The following CNTRL variants were observed in gnomAD, a reference collection of about 807,000 sequenced individuals.
CNTRL encodes the protein 110 kDa centrosomal protein.
A neutral mutation model predicts 303.7 loss-of-function variants in CNTRL; 233 were observed. The observed-to-expected ratio is 0.77, with a 90% confidence interval of 0.69 to 0.86. The LOEUF (loss-of-function observed/expected upper bound fraction) is 0.86, where lower values mean the gene tolerates loss of function less well. Among genes scored for constraint, CNTRL ranks in the 40% least tolerant of loss-of-function variants. CNTRL has a pLI of 0.00. For synonymous variants in CNTRL, 900 were observed against 922.2 expected (o/e 0.98, Z 0.44); for missense variants, 2,524 against 2,650.6 (o/e 0.95, Z 1.05).
intron 14 of CNTRL, among the ~76,000 whole-genome samples, chr9:121,133,504 A>C (rs1219106886): frequency 6.6e-6 from 1 of 152,256 alleles, no homozygotes; most frequent in Non-Finnish European, 1.5e-5. Flanking sequence ...TTGGAAAAGC[A>C]CAGTATTTGG....
chr9:121,108,442 A>G (rs2049586355), intron 8 of CNTRL, among the ~76,000 whole-genome samples: 1 of 152,154 alleles, frequency 6.6e-6, no homozygotes, highest in East Asian at 1.9e-4. Flanking sequence ...AAGACTTTCC[A>G]CTATCCCAAA....
rs769539815 is a variant in CNTRL at position 121,169,716 on chromosome 9, G to C, written c.6176G>C (p.Arg2059Pro). The change falls in exon 39 of 44, where the codon CGG (arginine) becomes CCG (proline). Residue 2059 changes from arginine (R) to proline (P), a missense_variant. By Grantham distance (103) the Arg-to-Pro change is moderately radical (BLOSUM62 -2). Transcript: ENST00000373855. ...ATGAGGGCAGACTTCAGCCTTCTGC[G>C]GAACCAGTTCTTGACAGAAAGAAAG... ...DSMRADFSLLRNQFLTERKKA... is the reference protein window; with the variant it reads ...DSMRADFSLLPNQFLTERKKA... 3 of 1,614,050 alleles carry C rather than the reference G, an allele frequency of 1.9e-6. No individual in the cohort carries two copies. The highest frequency in any genetic ancestry group is 2.5e-6 in the Non-Finnish European group (3 of 1,180,040).
intron 2 of CNTRL, among the ~76,000 whole-genome samples, chr9:121,082,487 A>G (rs925732536): frequency 5.9e-5 from 9 of 152,200 alleles, no homozygotes; most frequent in Non-Finnish European, 1.2e-4. Flanking sequence ...GTGTCCCTTA[A>G]TGACAGAATT....
intron 7 of CNTRL, among the ~76,000 whole-genome samples, chr9:121,104,150 A>G (rs985636122): frequency 3.3e-5 from 5 of 152,250 alleles, no homozygotes; most frequent in Admixed American, 6.5e-5. Flanking sequence ...GATAGACTGG[A>G]TTAAGAAAAT....
rs1344016044 is a variant in CNTRL at position 121,169,639 on chromosome 9, A to G, written c.6099A>G (p.Gln2033=). ...TKRQLSEREQ[Q]LVEKSGELLA... is the part of the protein sequence containing the mutation. ...GGCAGCTTTCAGAAAGGGAGCAGCA[A>G]TTGGTGGAGAAATCAGGTGAGCTGT... Residue 2033 remains glutamine, a synonymous_variant, in exon 39 of 44, where the codon CAA becomes CAG. Coordinates refer to ENST00000373855, the MANE Select transcript of CNTRL (RefSeq NM_007018.6). The G allele has an allele frequency of 3.1e-6, 5 of 1,614,074 alleles. No homozygotes were observed. The highest frequency in any genetic ancestry group is 1.3e-5 in the African/African-American group (1 of 74,924).
chr9:121,108,952 GTATA>G (rs2049614262), intron 8 of CNTRL, among the ~76,000 whole-genome samples: 1 of 152,006 alleles, frequency 6.6e-6, no homozygotes, highest in Admixed American at 6.6e-5. Context: ...ATTACATAAT[GTATA>G]TATAATTAAG....
At position 121,160,991 on chromosome 9, in the gene CNTRL, A is replaced by C. The variant is rs186610819; in HGVS notation, c.5089+689A>C. Among the ~76,000 whole-genome samples, 19 of 152,308 alleles carry C rather than the reference A, an allele frequency of 1.2e-4. No individual in the cohort carries two copies. The East Asian group carries it at 3.1e-3, about 25-fold the overall frequency. Reference sequence around the variant, plus strand: ...AAGACCCTGTTCCACCACACCCCCCAAAAAATTGGAAACAGATGACCAATT... The same window carrying C: ...AAGACCCTGTTCCACCACACCCCCCCAAAAATTGGAAACAGATGACCAATT... On this transcript the variant is annotated intron_variant, in intron 32 of 43. Transcript: ENST00000373855.
chr9:121,115,135 GAAC>G lies in CNTRL; in HGVS notation c.1396_1398del (p.Gln466del), dbSNP rs775798646. On this transcript the variant is annotated inframe_deletion, in exon 11 of 44. Coordinates refer to ENST00000373855, the MANE Select transcript of CNTRL (RefSeq NM_007018.6). ...ACTGCATGATGAAATAGAAAAGGCA[GAAC>G]AACAAATTTTGAGAGCTACTGAAGA... is the stretch of plus-strand genomic sequence containing the variant. 2 of 1,609,646 alleles carry G rather than the reference GAAC, an allele frequency of 1.2e-6. No individual in the cohort carries two copies. The highest frequency in any genetic ancestry group is 2.2e-5 in the South Asian group (2 of 90,314).
At chr9:121,138,824 C>T (rs2051342343) in intron 16 of CNTRL, 145 bp downstream of exon 16, 6 of 693,004 alleles carry the variant, frequency 8.7e-6, no homozygotes, top group Non-Finnish European at 1.4e-5. Context: ...TGGAGCAGCA[C>T]CATAGCTCCT....
chr9:121,146,870 T>C (rs1432942461), intron 23 of CNTRL, among the ~76,000 whole-genome samples: 1 of 152,200 alleles, frequency 6.6e-6, no homozygotes, highest in Non-Finnish European at 1.5e-5. Context: ...GTTGGGCTTT[T>C]AGGAGGGAGG....
At chr9:121,085,742 G>A (rs1303289971) in intron 2 of CNTRL, among the ~76,000 whole-genome samples, 1 of 152,092 alleles carries the variant, frequency 6.6e-6, no homozygotes, top group South Asian at 2.1e-4. Context: ...TCCCTTTAAC[G>A]AATTCCCTTT....
rs745981933 is a variant in CNTRL, at chr9:121,162,074, T to G, written c.5226T>G (p.Asn1742Lys). 6.2e-7 allele frequency: 1 copy of G among 1,614,136 alleles called. No homozygotes were observed. The highest frequency in any genetic ancestry group is 1.1e-5 in the South Asian group (1 of 91,086). The stretch of plus-strand genomic sequence containing the variant: ...TTTAGGAGAAACTGGAGTTAGAGAA[T>G]TTGCAGCAGATATCCCAGCAGCAGA... The part of the protein sequence containing the change: ...AVLEEKLELE[N>K]LQQISQQQKG... Residue 1742 changes from asparagine (N) to lysine (K), a missense_variant, in exon 34 of 44, where the codon AAT (asparagine) becomes AAG (lysine). Physicochemically the swap from Asn to Lys is moderately conservative, Grantham distance 94. Transcript: ENST00000373855.
At chr9:121,149,606 C>A (rs1407232124) in intron 24 of CNTRL, among the ~76,000 whole-genome samples, 2 of 151,804 alleles carry the variant, frequency 1.3e-5, no homozygotes, top group South Asian at 4.2e-4. Flanking sequence ...AGGGTTTCAC[C>A]ATATTAGACA....
intron 2 of CNTRL, among the ~76,000 whole-genome samples, chr9:121,082,969 C>CA (rs71370624): frequency 0.11 from 11,620 of 109,758 alleles, 773 homozygotes; most frequent in Non-Finnish European, 0.13. Flanking sequence ...GACTCCCTCT[C>CA]AAAAAAAAAA....
intron 43 of CNTRL, 85 bp downstream of exon 43, chr9:121,175,309 C>T (rs1487395709): frequency 8.0e-7 from 1 of 1,243,416 alleles, no homozygotes. Flanking sequence ...CCCTACCGCC[C>T]AGGCTGGAGT....
At chr9:121,129,250 G>A (rs980266008) in intron 14 of CNTRL, among the ~76,000 whole-genome samples, 3 of 152,040 alleles carry the variant, frequency 2.0e-5, no homozygotes, top group East Asian at 3.9e-4. Context: ...CATTTTCACG[G>A]TATTGATTCT....
At position 121,132,075 on chromosome 9, in the gene CNTRL, T is replaced by C. The variant is rs560821875; in HGVS notation, c.2026-3731T>C. On this transcript the variant is annotated intron_variant, in intron 14 of 43. Coordinates refer to ENST00000373855, the MANE Select transcript of CNTRL (RefSeq NM_007018.6). ...GGCTGCCCTTACATTTTTTCCTTCATGTCAACCTTAGGGAATCTGACAATT... is the reference window on the plus strand; with the variant it reads ...GGCTGCCCTTACATTTTTTCCTTCACGTCAACCTTAGGGAATCTGACAATT... 1.8e-4 allele frequency among the ~76,000 whole-genome samples: 28 copies of C among 152,374 alleles called. 1 individual carries two copies. The South Asian group carries it at 5.8e-3, about 32-fold the overall frequency.
rs773211965 is a variant in CNTRL, at chr9:121,145,313, C to A, written c.3238C>A (p.Leu1080Met). 1 of 1,613,908 alleles carries A rather than the reference C, an allele frequency of 6.2e-7. No individual in the cohort carries two copies. Among genetic ancestry groups the A allele is most frequent in the South Asian group, 1.1e-5 (1 of 91,086 alleles). ...ANSQVLEIEKLNETMERQRTE... is the reference protein window; with the variant it reads ...ANSQVLEIEKMNETMERQRTE... ...CTCACAGGTCCTAGAAATTGAGAAA[C>A]TGAATGAGACAATGGAACGACAAAG... Residue 1080 changes from leucine to methionine, a missense_variant, in exon 22 of 44, where the codon CTG becomes ATG. Transcript: ENST00000373855.
chr9:121,099,564 A>G (rs574932545), intron 7 of CNTRL, among the ~76,000 whole-genome samples: 3 of 152,352 alleles, frequency 2.0e-5, no homozygotes, highest in Admixed American at 2.0e-4. Flanking sequence ...GACTTTAACG[A>G]GTTGAAAGAA....
Sources: gnomAD v4.1 joint callset for allele counts (sites outside exome capture counted in the v4.1 genomes callset) on GRCh38, gnomAD v4.1.1 for gene constraint, MANE v1.5 for transcripts, NCBI Gene and HGNC (gene_info 2026-07-23, HGNC 2026-07-21) for gene names.